The following MACROD2 variants were observed in gnomAD, a reference collection of about 807,000 sequenced individuals.
MACROD2 encodes mono-ADP ribosylhydrolase 2.
In MACROD2, 36 loss-of-function variants were observed where a neutral mutation model predicts 70.4. That is an observed-to-expected ratio of 0.51 (90% CI 0.39 to 0.68). MACROD2 has a LOEUF of 0.68. Ranked by LOEUF, MACROD2 falls within the 30% of genes least tolerant of loss-of-function variation. The pLI is 0.00. For missense variants in MACROD2, 496 were observed against 538.4 expected, an observed-to-expected ratio of 0.92 and a Z score of 0.78; for synonymous variants, 172 against 178.8, an observed-to-expected ratio of 0.96 and a Z score of 0.30.
At chr20:14,183,837 T>C (rs2081324195) in intron 3 of MACROD2, among the ~76,000 whole-genome samples, 1 of 152,212 alleles carries the variant, frequency 6.6e-6, no homozygotes, top group African/African-American at 2.4e-5. Flanking sequence ...TATGTCTTCT[T>C]CTGAAAAGTC....
chr20:14,741,616 G>A lies in MACROD2; in HGVS notation c.418+56657G>A, dbSNP rs1337565154. Reference sequence around the variant, plus strand: ...AAAAAAGGCAATTCCACTATTGACAGGATATAGGAATGATCAAAATTACTT... The same window carrying A: ...AAAAAAGGCAATTCCACTATTGACAAGATATAGGAATGATCAAAATTACTT... On this transcript the variant is annotated intron_variant, in intron 5 of 17. Transcript: ENST00000684519. Among the ~76,000 whole-genome samples, 7 of 152,148 alleles carry A rather than the reference G, an allele frequency of 4.6e-5. No individual in the cohort carries two copies. In the East Asian group the frequency reaches 1.2e-3, roughly 25 times the overall value.
intron 6 of MACROD2, among the ~76,000 whole-genome samples, chr20:15,243,233 C>A (rs982805701): frequency 6.6e-6 from 1 of 152,178 alleles, no homozygotes; most frequent in Admixed American, 6.5e-5. Flanking sequence ...GGTGGTGCAT[C>A]ACAGCACGAA....
chr20:15,727,516 G>T (rs1027834566), intron 8 of MACROD2, among the ~76,000 whole-genome samples: 1 of 151,944 alleles, frequency 6.6e-6, no homozygotes, highest in African/African-American at 2.4e-5. Flanking sequence ...TGAGTTGGTA[G>T]CTTGCTTTGG....
chr20:15,503,805 T>C (rs1236623591), intron 8 of MACROD2, among the ~76,000 whole-genome samples: 1 of 152,210 alleles, frequency 6.6e-6, no homozygotes, highest in Non-Finnish European at 1.5e-5. Context: ...TGGATAAGGT[T>C]GCATTTTCTG....
chr20:15,698,722 T>A (rs1248674277), intron 8 of MACROD2, among the ~76,000 whole-genome samples: 1 of 152,126 alleles, frequency 6.6e-6, no homozygotes, highest in Non-Finnish European at 1.5e-5. Context: ...ATTCTTAGGT[T>A]TGGTCATTTA....
chr20:15,001,518 T>A (rs2074995228), intron 5 of MACROD2, among the ~76,000 whole-genome samples: 1 of 152,156 alleles, frequency 6.6e-6, no homozygotes, highest in Non-Finnish European at 1.5e-5. Flanking sequence ...TTAAAATGTA[T>A]TTATAACATA....
chr20:15,313,045 G>A (rs142522168), intron 6 of MACROD2, among the ~76,000 whole-genome samples: 1 of 152,076 alleles, frequency 6.6e-6, no homozygotes, highest in Admixed American at 6.5e-5. Context: ...TTGCATATAT[G>A]GTGAAATTTG....
At chr20:14,149,859 CT>C (rs2054993459) in intron 3 of MACROD2, among the ~76,000 whole-genome samples, 1 of 151,922 alleles carries the variant, frequency 6.6e-6, no homozygotes, top group Admixed American at 6.6e-5. Flanking sequence ...AGAGTATTGC[CT>C]TTTTTTCTTG....
At chr20:14,779,128 T>G (rs777420355) in intron 5 of MACROD2, among the ~76,000 whole-genome samples, 36 of 152,016 alleles carry the variant, frequency 2.4e-4, no homozygotes, top group Non-Finnish European at 4.4e-5. Flanking sequence ...ATGGTCAGAT[T>G]TCTTCCACCA....
At chr20:15,515,123 T>C (rs758312768) in intron 8 of MACROD2, among the ~76,000 whole-genome samples, 2 of 152,214 alleles carry the variant, frequency 1.3e-5, no homozygotes, top group African/African-American at 2.4e-5. Flanking sequence ...ACCATACTCA[T>C]TGCAAGTTGA....
At chr20:15,904,866 G>GA (rs1025565799) in intron 10 of MACROD2, among the ~76,000 whole-genome samples, 11 of 139,134 alleles carry the variant, frequency 7.9e-5, no homozygotes, top group African/African-American at 3.1e-4. Flanking sequence ...GCGCGAAAGA[G>GA]AGAGACTCTG....
chr20:15,525,484 CAT>C (rs1252265044), intron 8 of MACROD2, among the ~76,000 whole-genome samples: 2 of 152,154 alleles, frequency 1.3e-5, no homozygotes, highest in South Asian at 2.1e-4. Flanking sequence ...TAATTTCCAT[CAT>C]GTGTTGGCTT....
chr20:15,238,438 G>T (rs2077033223), intron 6 of MACROD2, among the ~76,000 whole-genome samples: 1 of 151,928 alleles, frequency 6.6e-6, no homozygotes, highest in South Asian at 2.1e-4. Context: ...GGAAGAGTTG[G>T]CCACCCAAGG....
chr20:15,690,390 T>C (rs1217517062), intron 8 of MACROD2, among the ~76,000 whole-genome samples: 1 of 152,072 alleles, frequency 6.6e-6, no homozygotes, highest in Non-Finnish European at 1.5e-5. Flanking sequence ...TTTACTGAGA[T>C]AGAGATAAGA....
intron 4 of MACROD2, among the ~76,000 whole-genome samples, chr20:14,539,682 G>A (rs1272644782): frequency 2.0e-5 from 3 of 152,140 alleles, no homozygotes; most frequent in Admixed American, 6.5e-5. Flanking sequence ...TGCATTCAAC[G>A]TATGTGCCAT....
chr20:14,511,230 C>T (rs2085026268), intron 4 of MACROD2, among the ~76,000 whole-genome samples: 1 of 151,980 alleles, frequency 6.6e-6, no homozygotes, highest in Admixed American at 6.6e-5. Context: ...AGTAAGAAAA[C>T]ATGTAACTTA....
intron 3 of MACROD2, among the ~76,000 whole-genome samples, chr20:14,471,242 G>A (rs930352230): frequency 1.4e-5 from 2 of 146,698 alleles, no homozygotes; most frequent in African/African-American, 2.4e-5. Flanking sequence ...CTAGCCCTCC[G>A]TGGGCTGCAC....
intron 6 of MACROD2, among the ~76,000 whole-genome samples, chr20:15,381,910 T>C (rs2045649969): frequency 6.6e-6 from 1 of 152,088 alleles, no homozygotes; most frequent in South Asian, 2.1e-4. Context: ...TACAAATGAC[T>C]CCTGGATTTC....
Position 15,473,442 on chromosome 20 carries a change from G to A in MACROD2, c.572-26332G>A, listed in dbSNP as rs560305194. ...TAAAATCTGTCCACCAGATATCAGA[G>A]AAGAATAAAATTAGACTGGGTGAAT... On this transcript the variant is annotated intron_variant, in intron 7 of 17. Coordinates refer to ENST00000684519, the MANE Select transcript of MACROD2 (RefSeq NM_001351661.2). 2.6e-5 allele frequency among the ~76,000 whole-genome samples: 4 copies of A among 152,278 alleles called. No homozygotes were observed. The South Asian group carries it at 8.3e-4, about 32-fold the overall frequency.
Sources: allele counts gnomAD v4.1 joint callset (sites outside exome capture counted in the v4.1 genomes callset), GRCh38; gene constraint gnomAD v4.1.1; transcripts MANE v1.5; gene names NCBI Gene and HGNC (gene_info 2026-07-23, HGNC 2026-07-21).